The following MAP4 variants were observed in gnomAD, a reference collection of about 807,000 sequenced individuals.
MAP4 encodes microtubule-associated protein 4.
MAP4 carries 76 observed loss-of-function variants against 170.2 expected under a neutral mutation model. That is an observed-to-expected ratio of 0.45 (90% CI 0.37 to 0.54). The LOEUF is 0.54. MAP4 is among the 20% of genes least tolerant of loss of function. The pLI is 0.00. For synonymous variants in MAP4, 909 were observed against 994.5 expected, an observed-to-expected ratio of 0.91 and a Z score of 1.62; for missense variants, 2,506 against 2,748.0, an observed-to-expected ratio of 0.91 and a Z score of 1.97.
chr3:47,851,136 T>G lies in MAP4; in HGVS notation c.*1798A>C, dbSNP rs1397867749. 1 of 152,274 alleles carries G rather than the reference T, an allele frequency of 6.6e-6. No individual in the cohort carries two copies. Among genetic ancestry groups the G allele is most frequent in the African/African-American group, 2.4e-5 (1 of 41,438 alleles). 9.4% of individuals were successfully genotyped at this position (152,274 alleles called of 1,614,324 possible). A position where few individuals can be genotyped will look rare whatever the true frequency, so the allele number is the denominator to read the frequency against. ...TTCATCCCAGCAGGCCCTTTCTTCC[T>G]GCTGACAAAACACTGGCTCCCTCAT... On this transcript the variant is annotated 3_prime_UTR_variant, in exon 21 of 21. Transcript: ENST00000683076.
rs761171542 is a variant in MAP4 at position 47,910,249 on chromosome 3, T to C, written c.4172A>G (p.His1391Arg). ...GTCCCCTGTGGTTTCCATGGGAACA[T>C]GTATTTTTGTTGCATCTATCTTATT... ...LENKIDATKI[H>R]VPMETTGDQG... The change falls in exon 9 of 21, where the codon CAT (histidine) becomes CGT (arginine). Residue 1391 changes from histidine (H) to arginine (R), a missense_variant. His to Arg is a conservative substitution (Grantham distance 29). Coordinates refer to ENST00000683076, the MANE Select transcript of MAP4 (RefSeq NM_001385682.1). The C allele has an allele frequency of 2.5e-6, 4 of 1,607,890 alleles. No individual in the cohort carries two copies. Among genetic ancestry groups the C allele is most frequent in the African/African-American group, 1.3e-5 (1 of 74,928 alleles).
chr3:48,015,963 C>G (rs1470411082), intron 1 of MAP4, among the ~76,000 whole-genome samples: 1 of 152,136 alleles, frequency 6.6e-6, no homozygotes, highest in Admixed American at 6.5e-5. Flanking sequence ...CTGTCCACCC[C>G]TAGGTTCCTC....
chr3:47,930,463 C>G (rs866178021), intron 3 of MAP4, among the ~76,000 whole-genome samples: 1 of 141,724 alleles, frequency 7.1e-6, no homozygotes, highest in Non-Finnish European at 1.5e-5. Flanking sequence ...AAAAAAAAAA[C>G]AAACAAACAA....
In MAP4 at chr3:47,852,815, G is replaced by A. The variant is rs2149443559; in HGVS notation, c.*119C>T. 4 of 1,550,462 alleles carry A rather than the reference G, an allele frequency of 2.6e-6. No individual in the cohort carries two copies. Among genetic ancestry groups the A allele is most frequent in the East Asian group, 4.9e-5 (2 of 40,892 alleles). ...GTCTAGTGGACAGCCCGGGAAAGGG[G>A]GCCAAGGACCCGGGAGCCCGAGTTG... On this transcript the variant is annotated 3_prime_UTR_variant, in exon 21 of 21. Transcript: ENST00000683076.
In MAP4 at chr3:48,056,161, G is replaced by C. The variant is rs1283689138; in HGVS notation, c.-20+32612C>G. On this transcript the variant is annotated intron_variant, in intron 1 of 18. Transcript: ENST00000360240. The stretch of plus-strand genomic sequence containing the variant: ...GGCCAGCCGCCCCATCCGGGAGGGA[G>C]GTGGGGGGTCAGCCCCCCCGCCCCG... Among the ~76,000 whole-genome samples, 24 of 142,558 alleles carry C rather than the reference G, an allele frequency of 1.7e-4. No homozygotes were observed. In the East Asian group the frequency reaches 4.6e-3, roughly 27 times the overall value. 93.5% of individuals were successfully genotyped at this position (142,558 alleles called of 152,430 possible).
At chr3:47,907,395 A>G (rs888464330) in intron 9 of MAP4, among the ~76,000 whole-genome samples, 1 of 152,192 alleles carries the variant, frequency 6.6e-6, no homozygotes, top group Non-Finnish European at 1.5e-5. Flanking sequence ...GAATGTATTA[A>G]CCTATTCGAC....
chr3:48,056,092 C>T, intron 1 of MAP4, among the ~76,000 whole-genome samples: 1 of 148,720 alleles, frequency 6.7e-6, no homozygotes, highest in Non-Finnish European at 1.5e-5. Flanking sequence ...GCCCGGCAGC[C>T]ACCCCGTCCG....
chr3:47,991,117 G>A (rs544649453), intron 2 of MAP4, among the ~76,000 whole-genome samples: 1 of 152,182 alleles, frequency 6.6e-6, no homozygotes, highest in African/African-American at 2.4e-5. Flanking sequence ...AGGCATGAAG[G>A]CAGAAATCAT....
intron 3 of MAP4, among the ~76,000 whole-genome samples, chr3:47,948,855 T>C (rs2100061815): frequency 6.6e-6 from 1 of 152,040 alleles, no homozygotes; most frequent in Non-Finnish European, 1.5e-5. Context: ...ACTCCTGACC[T>C]CATTATCCAC....
chr3:48,067,848 A>G (rs772033045), intron 1 of MAP4, among the ~76,000 whole-genome samples: 34 of 152,070 alleles, frequency 2.2e-4, no homozygotes, highest in Non-Finnish European at 3.8e-4. Flanking sequence ...CCCTGTTGGC[A>G]AGGCTGGTTT....
At chr3:48,016,712 C>A (rs1486684810), upstream of MAP4, among the ~76,000 whole-genome samples, 1 of 152,004 alleles carries the variant, frequency 6.6e-6, no homozygotes, top group African/African-American at 2.4e-5. Flanking sequence ...CTTCCTCTAA[C>A]ACAGGAAAAC....
chr3:47,929,828 T>C (rs2100048426), intron 3 of MAP4, among the ~76,000 whole-genome samples: 2 of 152,118 alleles, frequency 1.3e-5, no homozygotes, highest in South Asian at 2.1e-4. Context: ...ACTTTTGCTT[T>C]TCAAAGATGC....
chr3:47,921,144 T>C (rs2100042632), intron 5 of MAP4, among the ~76,000 whole-genome samples: 1 of 151,808 alleles, frequency 6.6e-6, no homozygotes, highest in Non-Finnish European at 1.5e-5. Flanking sequence ...TGAGACCCTG[T>C]CTCAAAAAAA....
chr3:48,018,207 C>A (rs1447601883), upstream of MAP4, among the ~76,000 whole-genome samples: 3 of 152,148 alleles, frequency 2.0e-5, no homozygotes, highest in African/African-American at 4.8e-5. Context: ...TTGGGGACCC[C>A]CCACTGTAGT....
At position 47,941,631 on chromosome 3, in the gene MAP4, A is replaced by AAC. The variant is rs201577567; in HGVS notation, c.293-13282_293-13281insGT. Among the ~76,000 whole-genome samples, 126 of 150,764 alleles carry AAC rather than the reference A, an allele frequency of 8.4e-4. 1 individual carries two copies. Among genetic ancestry groups the AAC allele is most frequent in the African/African-American group, 3.0e-3 (121 of 40,472 alleles). On this transcript the variant is annotated intron_variant, in intron 3 of 20. Transcript: ENST00000683076. ...TCTCTACTAAAAAAACAAAAACAAA[A>AAC]AAAAAAAAAACTGGGCATGGTGGCG...
At chr3:47,945,573 C>A (rs1426001714) in intron 3 of MAP4, among the ~76,000 whole-genome samples, 1 of 151,940 alleles carries the variant, frequency 6.6e-6, no homozygotes, top group Non-Finnish European at 1.5e-5. Flanking sequence ...GGAAAAAATT[C>A]ATCTGGAGAT....
intron 3 of MAP4, among the ~76,000 whole-genome samples, chr3:47,944,288 C>T (rs183511146): frequency 1.9e-4 from 29 of 152,092 alleles, no homozygotes; most frequent in Admixed American, 1.2e-3. Flanking sequence ...CCAGCCTGGG[C>T]GAGAGAGCAA....
intron 3 of MAP4, among the ~76,000 whole-genome samples, chr3:47,964,531 T>G (rs192718856): frequency 6.6e-6 from 1 of 152,288 alleles, no homozygotes. Context: ...GGGGCAATCA[T>G]GAATTCAGTT....
intron 12 of MAP4, among the ~76,000 whole-genome samples, chr3:47,874,468 C>CA (rs1307388160): frequency 6.6e-6 from 1 of 151,700 alleles, no homozygotes; most frequent in East Asian, 1.9e-4. Context: ...GGCTCCATCT[C>CA]AAAAAAATAA....
Sources: allele counts gnomAD v4.1 joint callset (sites outside exome capture counted in the v4.1 genomes callset), GRCh38; gene constraint gnomAD v4.1.1; transcripts MANE v1.5; gene names NCBI Gene and HGNC (gene_info 2026-07-23, HGNC 2026-07-21).